CEP152: variants seen among roughly 807,000 people sequenced by gnomAD.
CEP152 encodes the protein centrosomal protein 152.
In CEP152, 132 loss-of-function variants were observed where a neutral mutation model predicts 188.9. That is an observed-to-expected ratio of 0.70 (90% CI 0.61 to 0.81). CEP152 has a LOEUF of 0.81. CEP152 is among the 30% of genes least tolerant of loss of function. The probability of loss-of-function intolerance (pLI) is 0.00; values close to 1 mark genes in which losing one functional copy is unlikely to be tolerated. For synonymous variants in CEP152, 649 were observed against 666.6 expected (o/e 0.97, Z 0.41); for missense variants, 1,914 against 1,969.8 (o/e 0.97, Z 0.54).
In CEP152 at chr15:48,742,045, T is replaced by C. The variant is rs1893018581; in HGVS notation, c.3891A>G (p.Lys1297=). 3 of 1,614,040 alleles carry C rather than the reference T, an allele frequency of 1.9e-6. No individual in the cohort carries two copies. Among genetic ancestry groups the C allele is most frequent in the Admixed American group, 3.3e-5 (2 of 60,008 alleles). The change falls in exon 25 of 27, where the codon AAA becomes AAG. Residue 1297 remains lysine, a synonymous_variant. Coordinates refer to ENST00000380950, the MANE Select transcript of CEP152 (RefSeq NM_001194998.2). ...CTTGACGTTCTCGCAGTACCTCTGC[T>C]TTTACCATTTCTGCAGCTCGTTCCT... The part of the protein sequence containing the change: ...ESKERAAEMV[K]AEVLRERQET...
intron 6 of CEP152, 99 bp from the exon 7 acceptor site, chr15:48,793,560 G>A: frequency 9.8e-7 from 1 of 1,018,886 alleles, no homozygotes; most frequent in East Asian, 2.6e-5. Flanking sequence ...CAACCTTTTA[G>A]AGCATCATGA....
At position 48,748,415 on chromosome 15, in the gene CEP152, T is replaced by G. The variant is rs1893619757; in HGVS notation, c.3634+28A>C. 2.0e-6 allele frequency: 3 copies of G among 1,503,536 alleles called. No homozygotes were observed. In the African/African-American group the frequency reaches 4.2e-5, roughly 21 times the overall value. The allele number at this position is 1,503,536 out of a possible 1,614,324, so 93.1% of individuals were successfully genotyped here. A position where few individuals can be genotyped will look rare whatever the true frequency, so the allele number is the denominator to read the frequency against. ...CAACAAGGATCAAAGAAATTCATAT[T>G]GGTAGCAGTGCTACTTTAAATGCTA... On this transcript the variant is annotated intron_variant, in intron 22 of 26. Coordinates refer to ENST00000380950, the MANE Select transcript of CEP152 (RefSeq NM_001194998.2).
rs760556689 is a variant in CEP152, at chr15:48,767,147, T to C, written c.2193A>G (p.Glu731=). The C allele has an allele frequency of 1.9e-6, 3 of 1,613,718 alleles. No individual in the cohort carries two copies. Among genetic ancestry groups the C allele is most frequent in the South Asian group, 2.2e-5 (2 of 91,084 alleles). Residue 731 remains glutamate, a synonymous_variant, in exon 17 of 27, where the codon GAA becomes GAG. Coordinates refer to ENST00000380950, the MANE Select transcript of CEP152 (RefSeq NM_001194998.2). ...TCTCTCTGCACACTTCTAGGTAACA[T>C]TCCTGCACAGCAGTCACCTCCTTAT... ...KLNKEVTAVQ[E]CYLEVCREKD...
rs1037355544 is a variant in CEP152 at position 48,804,001 on chromosome 15, C to T, written c.87+1562G>A. Among the ~76,000 whole-genome samples the T allele has an allele frequency of 3.3e-5, 5 of 152,198 alleles. No individual in the cohort carries two copies. In the East Asian group the frequency reaches 7.7e-4, roughly 23 times the overall value. On this transcript the variant is annotated intron_variant, in intron 2 of 26. Transcript: ENST00000380950. ...TGTTGTGAGGGGCCCTGCCAAAATC[C>T]GGAAACCCTCACCAGGGTCATAAAC...
intron 17 of CEP152, among the ~76,000 whole-genome samples, chr15:48,762,876 A>G (rs1466142742): frequency 6.6e-6 from 1 of 152,176 alleles, no homozygotes; most frequent in African/African-American, 2.4e-5. Flanking sequence ...ACTTAACTAT[A>G]TGACAAAAAT....
At chr15:48,737,316 G>A (rs770234377), downstream of CEP152, among the ~76,000 whole-genome samples, 4 of 152,044 alleles carry the variant, frequency 2.6e-5, 1 homozygote, top group South Asian at 4.1e-4. Flanking sequence ...AACTGTTTTC[G>A]GAAGCACTTG....
rs567086068 is a variant in CEP152 at position 48,776,619 on chromosome 15, A to G, written c.1578-3928T>C. Among the ~76,000 whole-genome samples, 7 of 152,304 alleles carry G rather than the reference A, an allele frequency of 4.6e-5. No individual in the cohort carries two copies. The South Asian group carries it at 1.0e-3, about 23-fold the overall frequency. On this transcript the variant is annotated intron_variant, in intron 12 of 26. Transcript: ENST00000380950. Reference sequence around the variant, plus strand: ...ACTTTTAAACAGCGATTTAGTAGCTAAACTGGTTCATTCATCTACATAGTC... The same window carrying G: ...ACTTTTAAACAGCGATTTAGTAGCTGAACTGGTTCATTCATCTACATAGTC...
chr15:48,741,574 A>G, intron 26 of CEP152, 27 bp downstream of exon 26: 1 of 1,614,024 alleles, frequency 6.2e-7, no homozygotes, highest in Admixed American at 1.7e-5. Context: ...AGATAGAAAA[A>G]CCATTTGGCG....
chr15:48,741,896 A>C, intron 25 of CEP152, 51 bp downstream of exon 25: 3 of 1,614,064 alleles, frequency 1.9e-6, no homozygotes, highest in Non-Finnish European at 2.5e-6. Context: ...TTTAAAAATG[A>C]TAACATGTTG....
intron 10 of CEP152, among the ~76,000 whole-genome samples, chr15:48,782,640 T>C (rs1487461486): frequency 6.6e-6 from 1 of 152,202 alleles, no homozygotes; most frequent in Non-Finnish European, 1.5e-5. Flanking sequence ...TCTTTGTAGA[T>C]GCTTTTCTAT....
intron 24 of CEP152, among the ~76,000 whole-genome samples, chr15:48,743,660 C>T (rs1414990419): frequency 6.6e-6 from 1 of 152,024 alleles, no homozygotes; most frequent in Admixed American, 6.6e-5. Context: ...GTCAGGAGTT[C>T]GAGATCAGCC....
intron 14 of CEP152, among the ~76,000 whole-genome samples, 166 bp downstream of exon 14, chr15:48,768,790 C>T (rs573059140): frequency 6.6e-6 from 1 of 152,304 alleles, no homozygotes; most frequent in South Asian, 2.1e-4. Flanking sequence ...AAACTACTAA[C>T]CAACAGTTCA....
Position 48,788,863 on chromosome 15 carries a change from C to G in CEP152, c.1111G>C (p.Glu371Gln), listed in dbSNP as rs538717531. Residue 371 changes from glutamate to glutamine, a missense_variant, in exon 9 of 27, where the codon GAA (glutamate) becomes CAA (glutamine). Coordinates refer to ENST00000380950, the MANE Select transcript of CEP152 (RefSeq NM_001194998.2). ...SIVMGLTKKYEEQVLSLQKNL... is the reference protein window; with the variant it reads ...SIVMGLTKKYQEQVLSLQKNL... ...TTTTGTAAGGACAATACTTGCTCTT[C>G]GTACTTCTTTGTGAGGCCCATAACA... The G allele has an allele frequency of 6.2e-7, 1 of 1,614,192 alleles. No individual in the cohort carries two copies. Among genetic ancestry groups the G allele is most frequent in the Admixed American group, 1.7e-5 (1 of 60,032 alleles).
chr15:48,760,058 C>T, intron 19 of CEP152, 77 bp downstream of exon 19: 3 of 1,592,574 alleles, frequency 1.9e-6, no homozygotes, highest in Non-Finnish European at 2.6e-6. Context: ...TGAGTAGGTA[C>T]AAATTCCAAG....
chr15:48,738,539 C>A lies in CEP152; in HGVS notation c.4843G>T (p.Gly1615Cys), dbSNP rs762169861. 6.2e-7 allele frequency: 1 copy of A among 1,614,122 alleles called. No individual in the cohort carries two copies. Among genetic ancestry groups the A allele is most frequent in the Non-Finnish European group, 8.5e-7 (1 of 1,180,024 alleles). The change falls in exon 27 of 27, where the codon GGT becomes TGT. Residue 1615 changes from glycine to cysteine, a missense_variant. Transcript: ENST00000380950. Reference sequence around the variant, plus strand: ...CTTTCCTCTGTATCTGAAAGATAACCGGATGGTGAAAACTGTTTGGATTTA... The same window carrying A: ...CTTTCCTCTGTATCTGAAAGATAACAGGATGGTGAAAACTGTTTGGATTTA... ...SVKSKQFSPS[G>C]YLSDTEESNM...
At chr15:48,739,692 A>AC (rs1480948194) in intron 26 of CEP152, among the ~76,000 whole-genome samples, 1 of 152,118 alleles carries the variant, frequency 6.6e-6, no homozygotes, top group African/African-American at 2.4e-5. Flanking sequence ...CCCACCCAAT[A>AC]CCTACACATA....
At chr15:48,742,941 A>G (rs932806647) in intron 24 of CEP152, among the ~76,000 whole-genome samples, 5 of 152,174 alleles carry the variant, frequency 3.3e-5, no homozygotes, top group African/African-American at 1.2e-4. Context: ...TAGTGGTTCT[A>G]TGCAAAAATA....
At chr15:48,755,657 T>A (rs1182533803) in intron 20 of CEP152, among the ~76,000 whole-genome samples, 1 of 152,140 alleles carries the variant, frequency 6.6e-6, no homozygotes, top group African/African-American at 2.4e-5. Flanking sequence ...CTAAATATTC[T>A]TTAGGAAAAA....
At chr15:48,802,022 G>A (rs117807890) in intron 2 of CEP152, among the ~76,000 whole-genome samples, 5,307 of 151,884 alleles carry the variant, frequency 0.035, 248 homozygotes, top group East Asian at 0.22. Flanking sequence ...GCTTGAACCC[G>A]GGAGGCAGCG....
Sources: allele counts gnomAD v4.1 joint callset (sites outside exome capture counted in the v4.1 genomes callset), GRCh38; gene constraint gnomAD v4.1.1; transcripts MANE v1.5; gene names NCBI Gene and HGNC (gene_info 2026-07-23, HGNC 2026-07-21).